The following CA10 variants were observed in gnomAD, a reference collection of about 807,000 sequenced individuals.
CA10 encodes the protein carbonic anhydrase 10 (inactive).
A neutral mutation model predicts 44.2 loss-of-function variants in CA10; 14 were observed. That is an observed-to-expected ratio of 0.32 (90% CI 0.21 to 0.50). The LOEUF is 0.50. Ranked by LOEUF, CA10 falls within the 20% of genes least tolerant of loss-of-function variation. The pLI, the probability that CA10 is intolerant of heterozygous loss-of-function variation, is 0.99. For missense variants in CA10, 350 were observed against 409.7 expected (o/e 0.85, Z 1.26); for synonymous variants, 159 against 141.6 (o/e 1.12, Z -0.87).
intron 2 of CA10, among the ~76,000 whole-genome samples, chr17:51,996,667 T>C (rs1985248105): frequency 6.6e-6 from 1 of 152,066 alleles, no homozygotes; most frequent in African/African-American, 2.4e-5. Flanking sequence ...TTTCTCTACT[T>C]GGTAAGAATT....
intron 3 of CA10, among the ~76,000 whole-genome samples, chr17:51,883,366 T>G (rs1980462107): frequency 1.3e-5 from 2 of 152,204 alleles, no homozygotes; most frequent in Non-Finnish European, 2.9e-5. Context: ...ACTTGTGCTT[T>G]TATTACTCCA....
intron 2 of CA10, among the ~76,000 whole-genome samples, chr17:52,064,397 A>C (rs545548156): frequency 5.9e-5 from 9 of 152,160 alleles, no homozygotes; most frequent in Non-Finnish European, 1.2e-4. Context: ...AGCAACCAAA[A>C]AATCAAGGCA....
intron 2 of CA10, among the ~76,000 whole-genome samples, chr17:52,022,684 G>A (rs1411098131): frequency 6.6e-6 from 1 of 152,022 alleles, no homozygotes; most frequent in Non-Finnish European, 1.5e-5. Flanking sequence ...CTTTGCTGAT[G>A]ACATGATTTT....
chr17:52,154,768 G>A (rs1311919746), intron 1 of CA10, among the ~76,000 whole-genome samples: 2 of 152,184 alleles, frequency 1.3e-5, no homozygotes, highest in Non-Finnish European at 2.9e-5. Context: ...AAGCTGATGT[G>A]ATCTCACAAA....
chr17:52,027,482 A>G (rs1226324100), intron 2 of CA10, among the ~76,000 whole-genome samples: 1 of 152,166 alleles, frequency 6.6e-6, no homozygotes, highest in African/African-American at 2.4e-5. Flanking sequence ...AGGAGTTTGA[A>G]CTATAATTAT....
chr17:52,064,097 C>G (rs1472052491), intron 2 of CA10, among the ~76,000 whole-genome samples: 1 of 152,180 alleles, frequency 6.6e-6, no homozygotes, highest in African/African-American at 2.4e-5. Flanking sequence ...AAGTAAGGCA[C>G]TTTCCTGCCA....
chr17:51,931,866 C>A (rs911405194), intron 2 of CA10, among the ~76,000 whole-genome samples: 1 of 152,108 alleles, frequency 6.6e-6, no homozygotes, highest in African/African-American at 2.4e-5. Context: ...ATTTCCAGTT[C>A]GATTTCTCTC....
intron 3 of CA10, among the ~76,000 whole-genome samples, chr17:51,778,728 G>A (rs1181073942): frequency 6.6e-6 from 1 of 152,196 alleles, no homozygotes; most frequent in Non-Finnish European, 1.5e-5. Flanking sequence ...GATGAGCAGG[G>A]CACTTTCTGT....
chr17:52,056,217 CTGGTGAT>C (rs569127122), intron 2 of CA10, among the ~76,000 whole-genome samples: 1 of 151,984 alleles, frequency 6.6e-6, no homozygotes. Flanking sequence ...ATGAGACTCA[CTGGTGAT>C]TGGTGATTGG....
chr17:52,146,569 A>T, intron 1 of CA10, among the ~76,000 whole-genome samples: 1 of 152,074 alleles, frequency 6.6e-6, no homozygotes, highest in Non-Finnish European at 1.5e-5. Flanking sequence ...GGGCGCCTGT[A>T]GTCCCAGCTA....
intron 3 of CA10, among the ~76,000 whole-genome samples, chr17:51,813,431 C>T (rs1345783190): frequency 6.6e-6 from 1 of 152,238 alleles, no homozygotes; most frequent in Admixed American, 6.5e-5. Context: ...CACGCCTGTG[C>T]TTACATGTGA....
intron 1 of CA10, chr17:52,135,066 T>C (rs115145433): frequency 2.1e-4 from 98 of 460,514 alleles, no homozygotes; most frequent in African/African-American, 1.9e-3. Flanking sequence ...GAAATAAAAA[T>C]GGAATCCTAA....
rs539830549 is a variant in CA10 at position 51,987,963 on chromosome 17, ATCT to A, written c.137-56834_137-56832del. Among the ~76,000 whole-genome samples, 226 of 152,058 alleles carry A rather than the reference ATCT, an allele frequency of 1.5e-3. 5 individuals are homozygous for A. In the South Asian group the frequency reaches 0.046, roughly 31 times the overall value. On this transcript the variant is annotated intron_variant, in intron 2 of 8. Coordinates refer to ENST00000451037, the MANE Select transcript of CA10 (RefSeq NM_020178.5). ...TAGAAAGAATAAATGGTAAAATAAA[ATCT>A]TCTCTGCTTCTTATTCTTCAATACT...
At chr17:51,909,649 T>A (rs1981709350) in intron 3 of CA10, among the ~76,000 whole-genome samples, 1 of 152,144 alleles carries the variant, frequency 6.6e-6, no homozygotes, top group South Asian at 2.1e-4. Context: ...TCTACAGATG[T>A]TCTTTTGATA....
intron 2 of CA10, among the ~76,000 whole-genome samples, chr17:52,045,940 A>C (rs1392087388): frequency 6.6e-6 from 1 of 151,956 alleles, no homozygotes; most frequent in African/African-American, 2.4e-5. Context: ...TACCTAGGAA[A>C]ATTTTAAGAT....
chr17:51,976,453 G>T lies in CA10; in HGVS notation c.137-45321C>A, dbSNP rs558333823. On this transcript the variant is annotated intron_variant, in intron 2 of 8. Transcript: ENST00000451037. ...CATTAAAAGTTAATCATTATTTTAA[G>T]AAAATACGCACATATTTAGAAATTA... Among the ~76,000 whole-genome samples the T allele has an allele frequency of 1.2e-4, 18 of 152,132 alleles. No individual in the cohort carries two copies. In the South Asian group the frequency reaches 3.3e-3, roughly 28 times the overall value.
chr17:52,089,056 A>G (rs1032187184), intron 1 of CA10, among the ~76,000 whole-genome samples: 3 of 152,330 alleles, frequency 2.0e-5, no homozygotes, highest in East Asian at 3.9e-4. Context: ...CTTCCTTTGG[A>G]ACAGGCAGGA....
At chr17:51,988,455 A>G (rs535591872) in intron 2 of CA10, among the ~76,000 whole-genome samples, 3 of 152,008 alleles carry the variant, frequency 2.0e-5, no homozygotes, top group Non-Finnish European at 2.9e-5. Flanking sequence ...ATATTATTAG[A>G]TGTTGAGTAC....
At chr17:52,018,550 A>T (rs1324866998) in intron 2 of CA10, among the ~76,000 whole-genome samples, 3 of 152,094 alleles carry the variant, frequency 2.0e-5, no homozygotes, top group Admixed American at 6.6e-5. Flanking sequence ...TCCCTTTTGA[A>T]ATAGAAATGT....
Sources: gnomAD v4.1 joint callset for allele counts (sites outside exome capture counted in the v4.1 genomes callset) on GRCh38, gnomAD v4.1.1 for gene constraint, MANE v1.5 for transcripts, NCBI Gene and HGNC (gene_info 2026-07-23, HGNC 2026-07-21) for gene names.